Variants in NUP153 observed in about 807,000 individuals in gnomAD.
NUP153 encodes the protein nucleoporin 153.
Under a neutral mutation model 134.6 loss-of-function variants are expected in NUP153, and 27 were observed. The ratio of observed to expected loss-of-function variants is 0.20; its 90% CI spans 0.15 to 0.28. The LOEUF (loss-of-function observed/expected upper bound fraction) is 0.28, where lower values mean the gene tolerates loss of function less well. Ranked by LOEUF, NUP153 falls within the 10% of genes least tolerant of loss-of-function variation. The pLI is 1.00. For synonymous variants in NUP153, 640 were observed against 623.5 expected (o/e 1.03, Z -0.40); for missense variants, 1,821 against 1,731.3 (o/e 1.05, Z -0.92).
chr6:17,678,933 A>G (rs1768402413), intron 2 of NUP153, among the ~76,000 whole-genome samples: 1 of 133,850 alleles, frequency 7.5e-6, no homozygotes, highest in Non-Finnish European at 1.6e-5. Context: ...CCAACAAAGC[A>G]AGACTATCTC....
chr6:17,655,456 T>A (rs1766758283), intron 11 of NUP153, among the ~76,000 whole-genome samples: 1 of 111,260 alleles, frequency 9.0e-6, no homozygotes, highest in East Asian at 4.5e-4. Context: ...ATCTTATTAT[T>A]ACTTTTTTTT....
intron 21 of NUP153, 101 bp from the exon 22 acceptor site, chr6:17,616,282 T>TGGGGGGGGGGGGGG (rs3836949): frequency 1.6e-4 from 54 of 333,898 alleles, no homozygotes; most frequent in African/African-American, 2.0e-4. Context: ...GGGGGTCGGG[T>TGGGGGGGGGGGGGG]GGGGGGGGAG....
rs902221752 is a variant in NUP153, at chr6:17,680,419, C to T, written c.335-4649G>A. Among the ~76,000 whole-genome samples the T allele has an allele frequency of 6.6e-6, 1 of 152,058 alleles. No homozygotes were observed. ...GATATCCACATGAAAAAGAATGAAC[C>T]CTTATCTTGAACCATATACAAAAAT... On this transcript the variant is annotated intron_variant, in intron 2 of 21. Transcript: ENST00000262077. The surrounding 1 kb of genome is among the most constrained non-coding windows in gnomAD (Gnocchi z 4.5).
At chr6:17,672,542 C>T (rs1055642033) in intron 5 of NUP153, among the ~76,000 whole-genome samples, 14 of 152,208 alleles carry the variant, frequency 9.2e-5, no homozygotes, top group Admixed American at 6.5e-5. Context: ...TGCCACTGCA[C>T]TCCAACCTGT....
In NUP153 at chr6:17,616,513, A is replaced by C. The variant is rs1034984681; in HGVS notation, c.4343+14T>G. 6 of 1,590,098 alleles carry C rather than the reference A, an allele frequency of 3.8e-6. No individual in the cohort carries two copies. In the African/African-American group the frequency reaches 8.2e-5, roughly 22 times the overall value. On this transcript the variant is annotated intron_variant, in intron 21 of 21. Transcript: ENST00000262077. ...CCAATGTAACTTCTCCATTTCAATA[A>C]AAAATTCTCTTACCCCACTGTAAAT...
At chr6:17,684,921 C>T (rs964874715) in intron 2 of NUP153, among the ~76,000 whole-genome samples, 7 of 152,106 alleles carry the variant, frequency 4.6e-5, no homozygotes, top group Non-Finnish European at 1.0e-4. Context: ...GGGTGTGGCT[C>T]GTGGCACCCC....
At chr6:17,701,846 A>AG (rs1561916995) in intron 1 of NUP153, among the ~76,000 whole-genome samples, 1 of 65,642 alleles carries the variant, frequency 1.5e-5, no homozygotes, top group Non-Finnish European at 3.6e-5. Flanking sequence ...GGGGGGGGGA[A>AG]AAAAGCTAAA....
intron 1 of NUP153, among the ~76,000 whole-genome samples, chr6:17,694,646 G>C (rs985735763): frequency 2.6e-5 from 4 of 151,846 alleles, no homozygotes; most frequent in African/African-American, 9.7e-5. Flanking sequence ...GACAGAGCAA[G>C]ACTCCGTCTC....
At chr6:17,686,689 G>GA (rs547444412) in intron 2 of NUP153, among the ~76,000 whole-genome samples, 1,612 of 144,368 alleles carry the variant, frequency 0.011, 30 homozygotes, top group Middle Eastern at 0.025. Context: ...TAAAAGTTAA[G>GA]AAAAAAAAAC....
Position 17,625,879 on chromosome 6 carries a change from G to A in NUP153, c.3830C>T (p.Pro1277Leu), listed in dbSNP as rs143939878. ...GGTAGTATTATTACTGCTGGCTCCT[G>A]GACCAAAGACAAATGGGGTGACAGC... Reference protein sequence around the residue: ...GTAVTPFVFGPGASSNNTTTS... With the variant: ...GTAVTPFVFGLGASSNNTTTS... The change falls in exon 19 of 22, where the codon CCA becomes CTA. Residue 1277 changes from proline (P) to leucine (L), a missense_variant. Pro to Leu is a moderately conservative substitution (Grantham distance 98, BLOSUM62 -3). Transcript: ENST00000262077. The surrounding 1 kb of genome is among the most constrained non-coding windows in gnomAD (Gnocchi z 4.7). 3.7e-6 allele frequency: 6 copies of A among 1,614,104 alleles called. No individual in the cohort carries two copies. The highest frequency in any genetic ancestry group is 5.1e-6 in the Non-Finnish European group (6 of 1,180,042).
chr6:17,616,480 T>C (rs1245218210), intron 21 of NUP153, 47 bp downstream of exon 21: 2 of 1,524,368 alleles, frequency 1.3e-6, no homozygotes, highest in Non-Finnish European at 1.8e-6. Context: ...TACATGCACA[T>C]ACCCTTACCA....
At chr6:17,691,946 C>T (rs746738013) in intron 1 of NUP153, among the ~76,000 whole-genome samples, 2 of 152,028 alleles carry the variant, frequency 1.3e-5, no homozygotes, top group South Asian at 2.1e-4. Flanking sequence ...GACTACAGGC[C>T]GACTACCACA....
At chr6:17,692,201 A>G (rs886325240) in intron 1 of NUP153, among the ~76,000 whole-genome samples, 1 of 152,214 alleles carries the variant, frequency 6.6e-6, no homozygotes, top group East Asian at 1.9e-4. Flanking sequence ...AAGCTCACTC[A>G]CTAAAATACA....
intron 2 of NUP153, among the ~76,000 whole-genome samples, chr6:17,683,720 C>T (rs1768749285): frequency 6.6e-6 from 1 of 152,046 alleles, no homozygotes; most frequent in African/African-American, 2.4e-5. Flanking sequence ...TTGCATTAAC[C>T]CCTAATAAGA....
At chr6:17,668,069 CTTTTTTTTTTTTTTT>C (rs762142682) in intron 8 of NUP153, among the ~76,000 whole-genome samples, 2 of 87,228 alleles carry the variant, frequency 2.3e-5, no homozygotes, top group Non-Finnish European at 4.2e-5. Context: ...GTTTACTGAA[CTTTTTTTTTTTTTTT>C]TTTTTTTTTG....
intron 17 of NUP153, among the ~76,000 whole-genome samples, chr6:17,632,300 A>C (rs568428035): frequency 2.4e-4 from 35 of 148,846 alleles, no homozygotes; most frequent in African/African-American, 8.0e-4. Flanking sequence ...AACTGTCTCA[A>C]AAACAAACAA....
At chr6:17,644,877 A>C (rs1766061851) in intron 14 of NUP153, among the ~76,000 whole-genome samples, 1 of 152,140 alleles carries the variant, frequency 6.6e-6, no homozygotes, top group African/African-American at 2.4e-5. Flanking sequence ...CGAGGTTAGG[A>C]GATCGAGACC....
At chr6:17,642,358 T>C (rs1475716331) in intron 14 of NUP153, among the ~76,000 whole-genome samples, 3 of 146,806 alleles carry the variant, frequency 2.0e-5, no homozygotes, top group Non-Finnish European at 4.6e-5. Context: ...CTAAGAACTC[T>C]TATAACTCAG....
At chr6:17,634,991 AT>A (rs1028222867) in intron 16 of NUP153, among the ~76,000 whole-genome samples, 5 of 144,942 alleles carry the variant, frequency 3.4e-5, no homozygotes, top group Non-Finnish European at 6.1e-5. Flanking sequence ...AAAAAAAAAA[AT>A]AAATCGCAAA....
Sources: gnomAD v4.1 joint callset for allele counts (sites outside exome capture counted in the v4.1 genomes callset) on GRCh38, gnomAD v4.1.1 for gene constraint, Gnocchi (gnomAD v3.1) non-coding constraint, MANE v1.5 for transcripts, NCBI Gene and HGNC (gene_info 2026-07-23, HGNC 2026-07-21) for gene names.